ARHGAP24: variants seen among roughly 807,000 people sequenced by gnomAD.
ARHGAP24 encodes the protein rho GTPase-activating protein 24.
ARHGAP24 carries 50 observed loss-of-function variants against 76.4 expected under a neutral mutation model. The ratio of observed to expected loss-of-function variants is 0.65; its 90% CI spans 0.52 to 0.83. The LOEUF (loss-of-function observed/expected upper bound fraction) is 0.83, where lower values mean the gene tolerates loss of function less well. Among genes scored for constraint, ARHGAP24 ranks in the 40% least tolerant of loss-of-function variants. The pLI is 0.00. For synonymous variants in ARHGAP24, 345 were observed against 323.3 expected (o/e 1.07, Z -0.72); for missense variants, 930 against 914.2 (o/e 1.02, Z -0.22).
intron 3 of ARHGAP24, among the ~76,000 whole-genome samples, chr4:85,728,538 TC>T (rs1434051050): frequency 6.6e-6 from 1 of 152,210 alleles, no homozygotes; most frequent in Non-Finnish European, 1.5e-5. Context: ...ATTCAGTTGT[TC>T]TTTCTCCTGT....
At chr4:85,712,154 G>A (rs13152150) in intron 2 of ARHGAP24, among the ~76,000 whole-genome samples, 97,790 of 152,022 alleles carry the variant, frequency 0.64, 33,858 homozygotes, top group Non-Finnish European at 0.79. Flanking sequence ...AATTGAACAC[G>A]GTTTCTTGCC....
At chr4:85,703,687 C>T (rs1337624971) in intron 2 of ARHGAP24, among the ~76,000 whole-genome samples, 1 of 152,140 alleles carries the variant, frequency 6.6e-6, no homozygotes, top group South Asian at 2.1e-4. Flanking sequence ...TTGAACTTCT[C>T]AACCTCCAGA....
chr4:85,815,682 TC>T (rs1453484905), intron 3 of ARHGAP24, among the ~76,000 whole-genome samples: 7 of 152,348 alleles, frequency 4.6e-5, no homozygotes, highest in African/African-American at 1.4e-4. Flanking sequence ...TCCCATATTT[TC>T]CTGTCTTCTT....
intron 7 of ARHGAP24, among the ~76,000 whole-genome samples, chr4:85,976,681 C>A (rs1270541120): frequency 6.6e-6 from 1 of 151,992 alleles, no homozygotes; most frequent in African/African-American, 2.4e-5. Flanking sequence ...TTATTTCATG[C>A]CTCTTACTTT....
At chr4:85,819,408 T>C (rs1729375977) in intron 3 of ARHGAP24, among the ~76,000 whole-genome samples, 1 of 152,168 alleles carries the variant, frequency 6.6e-6, no homozygotes. Flanking sequence ...GGTTGCTCAG[T>C]TGGGGAAATG....
At chr4:85,754,567 A>G (rs1317930137) in intron 3 of ARHGAP24, among the ~76,000 whole-genome samples, 1 of 152,214 alleles carries the variant, frequency 6.6e-6, no homozygotes, top group African/African-American at 2.4e-5. Flanking sequence ...AGATAAAGAT[A>G]CATACGACAG....
At chr4:85,927,705 A>G (rs1736093017) in intron 4 of ARHGAP24, among the ~76,000 whole-genome samples, 2 of 152,146 alleles carry the variant, frequency 1.3e-5, no homozygotes, top group Admixed American at 1.3e-4. Flanking sequence ...CCACCTTTGG[A>G]TATGTTTTAA....
intron 2 of ARHGAP24, among the ~76,000 whole-genome samples, chr4:85,675,436 T>A (rs540729825): frequency 2.7e-4 from 41 of 152,264 alleles, no homozygotes; most frequent in Non-Finnish European, 3.7e-4. Flanking sequence ...TGAAAATAAA[T>A]CTAACAGAAG....
chr4:85,812,398 G>T (rs971538277), intron 3 of ARHGAP24, among the ~76,000 whole-genome samples: 1 of 151,852 alleles, frequency 6.6e-6, no homozygotes, highest in Non-Finnish European at 1.5e-5. Context: ...GTGATATCTT[G>T]AGCTTTTAAG....
intron 3 of ARHGAP24, among the ~76,000 whole-genome samples, chr4:85,759,613 G>C (rs1578203374): frequency 6.6e-6 from 1 of 152,158 alleles, no homozygotes; most frequent in East Asian, 1.9e-4. Context: ...CTTGAGGATA[G>C]TTTCTCTGTC....
intron 3 of ARHGAP24, among the ~76,000 whole-genome samples, chr4:85,737,512 G>A (rs1011468762): frequency 6.6e-6 from 1 of 152,182 alleles, no homozygotes; most frequent in Non-Finnish European, 1.5e-5. Context: ...CACAGAAGGA[G>A]CCAAGCACAA....
intron 2 of ARHGAP24, among the ~76,000 whole-genome samples, chr4:85,623,170 C>T (rs1720787109): frequency 6.6e-6 from 1 of 152,176 alleles, no homozygotes; most frequent in African/African-American, 2.4e-5. Flanking sequence ...AAGTCCTTGC[C>T]CATGCCTATG....
At chr4:85,838,326 G>A (rs67579023) in intron 3 of ARHGAP24, among the ~76,000 whole-genome samples, 2 of 152,054 alleles carry the variant, frequency 1.3e-5, no homozygotes, top group African/African-American at 4.8e-5. Context: ...AGCCGGGCAC[G>A]GTGGCTCACG....
At chr4:85,801,912 G>C (rs1728595230) in intron 3 of ARHGAP24, among the ~76,000 whole-genome samples, 1 of 152,226 alleles carries the variant, frequency 6.6e-6, no homozygotes, top group African/African-American at 2.4e-5. Context: ...ATTTGGGCTG[G>C]ATTACTTTCA....
At chr4:85,601,374 G>A (rs1720022943) in intron 2 of ARHGAP24, among the ~76,000 whole-genome samples, 1 of 152,058 alleles carries the variant, frequency 6.6e-6, no homozygotes, top group South Asian at 2.1e-4. Flanking sequence ...CTATTTTCCT[G>A]GTATTATATG....
intron 1 of ARHGAP24, among the ~76,000 whole-genome samples, chr4:85,564,966 A>G (rs1179949534): frequency 7.9e-6 from 1 of 127,032 alleles, no homozygotes; most frequent in African/African-American, 3.2e-5. Context: ...ATATATATAT[A>G]TATACCCACA....
At chr4:85,487,881 A>G (rs1723190766) in intron 1 of ARHGAP24, among the ~76,000 whole-genome samples, 1 of 126,154 alleles carries the variant, frequency 7.9e-6, no homozygotes, top group Non-Finnish European at 1.6e-5. Flanking sequence ...AATATATAAT[A>G]TATATAATAA....
At chr4:85,539,580 T>G (rs1467569374) in intron 1 of ARHGAP24, among the ~76,000 whole-genome samples, 2 of 152,200 alleles carry the variant, frequency 1.3e-5, no homozygotes, top group African/African-American at 4.8e-5. Flanking sequence ...GTAATTTTGC[T>G]TTTTAGGCTT....
At chr4:85,637,386 A>G (rs1420707136) in intron 2 of ARHGAP24, among the ~76,000 whole-genome samples, 1 of 152,084 alleles carries the variant, frequency 6.6e-6, no homozygotes, top group African/African-American at 2.4e-5. Flanking sequence ...GATCATGAAG[A>G]ATAGGTGTTT....
Sources: gnomAD v4.1 joint callset for allele counts (sites outside exome capture counted in the v4.1 genomes callset) on GRCh38, gnomAD v4.1.1 for gene constraint, MANE v1.5 for transcripts, NCBI Gene and HGNC (gene_info 2026-07-23, HGNC 2026-07-21) for gene names.